NKAIN2: variants seen among roughly 807,000 people sequenced by gnomAD.
The protein encoded by NKAIN2 is sodium/potassium transporting ATPase interacting 2, also known as sodium/potassium-transporting ATPase subunit beta-1-interacting protein 2.
A neutral mutation model predicts 32.6 loss-of-function variants in NKAIN2; 14 were observed. The ratio of observed to expected loss-of-function variants is 0.43; its 90% CI spans 0.28 to 0.67. The LOEUF is 0.67. NKAIN2 is among the 30% of genes least tolerant of loss of function. NKAIN2 has a pLI of 0.17. For missense variants in NKAIN2, 198 were observed against 258.3 expected (o/e 0.77, Z 1.60); for synonymous variants, 80 against 87.2 (o/e 0.92, Z 0.46).
chr6:124,107,980 A>G (rs1298506321), intron 1 of NKAIN2, among the ~76,000 whole-genome samples: 1 of 152,116 alleles, frequency 6.6e-6, no homozygotes, highest in African/African-American at 2.4e-5. Flanking sequence ...TAATGTTGCA[A>G]TGGACATGTG....
chr6:124,078,352 C>A (rs944624240), intron 1 of NKAIN2, among the ~76,000 whole-genome samples: 1 of 151,856 alleles, frequency 6.6e-6, no homozygotes, highest in African/African-American at 2.4e-5. Context: ...ATTTTTAAAT[C>A]AACAAGTGCT....
intron 3 of NKAIN2, among the ~76,000 whole-genome samples, chr6:124,471,508 T>A (rs1017990909): frequency 6.6e-6 from 1 of 152,136 alleles, no homozygotes; most frequent in African/African-American, 2.4e-5. Context: ...TGATTACATA[T>A]ATAACTTGCA....
Position 124,014,162 on chromosome 6 carries a change from A to G in NKAIN2, c.54+209908A>G, listed in dbSNP as rs139660503. Reference sequence around the variant, plus strand: ...CTTTCATTTGCATTGTTTCTTGTCAATGAGTAATAGAAAGCTTTTCAATGA... The same window carrying G: ...CTTTCATTTGCATTGTTTCTTGTCAGTGAGTAATAGAAAGCTTTTCAATGA... On this transcript the variant is annotated intron_variant, in intron 1 of 6. Transcript: ENST00000368417. Among the ~76,000 whole-genome samples, 6 of 152,254 alleles carry G rather than the reference A, an allele frequency of 3.9e-5. No individual in the cohort carries two copies. The East Asian group carries it at 1.2e-3, about 29-fold the overall frequency.
At chr6:123,818,433 A>G (rs530280135) in intron 1 of NKAIN2, among the ~76,000 whole-genome samples, 2 of 151,940 alleles carry the variant, frequency 1.3e-5, no homozygotes, top group Non-Finnish European at 2.9e-5. Flanking sequence ...TCTGTTTGAA[A>G]TAATATTAAG....
At chr6:124,759,648 CACACA>C (rs1562367798) in intron 4 of NKAIN2, among the ~76,000 whole-genome samples, 6 of 97,942 alleles carry the variant, frequency 6.1e-5, no homozygotes, top group African/African-American at 1.9e-4. Flanking sequence ...CACACACACA[CACACA>C]CACCCCCTAT....
At chr6:123,836,906 G>T (rs534866944) in intron 1 of NKAIN2, among the ~76,000 whole-genome samples, 1 of 152,092 alleles carries the variant, frequency 6.6e-6, no homozygotes, top group South Asian at 2.1e-4. Flanking sequence ...ACTCCTCTCC[G>T]ACTTATTTCT....
intron 4 of NKAIN2, among the ~76,000 whole-genome samples, chr6:124,676,576 CTTCT>C (rs1471963854): frequency 1.3e-5 from 2 of 151,892 alleles, no homozygotes; most frequent in Non-Finnish European, 2.9e-5. Flanking sequence ...CTATATAGTC[CTTCT>C]TTGTCTCTTG....
At chr6:123,948,761 T>G (rs1225001070) in intron 1 of NKAIN2, among the ~76,000 whole-genome samples, 2 of 151,958 alleles carry the variant, frequency 1.3e-5, no homozygotes, top group Non-Finnish European at 2.9e-5. Context: ...AGCTTTTTAG[T>G]TTAATATAGT....
intron 1 of NKAIN2, among the ~76,000 whole-genome samples, chr6:124,258,163 G>T (rs1382123609): frequency 6.6e-6 from 1 of 151,828 alleles, no homozygotes; most frequent in South Asian, 2.1e-4. Context: ...AAAAACTGAG[G>T]TATAGACAGA....
At chr6:124,098,762 C>T (rs565760692) in intron 1 of NKAIN2, among the ~76,000 whole-genome samples, 47 of 151,864 alleles carry the variant, frequency 3.1e-4, no homozygotes, top group East Asian at 9.7e-4. Context: ...CCCAGCTACA[C>T]GGGAGGCTGA....
chr6:124,474,803 C>A (rs1219776812), intron 3 of NKAIN2, among the ~76,000 whole-genome samples: 1 of 119,258 alleles, frequency 8.4e-6, no homozygotes, highest in Middle Eastern at 4.5e-3. Flanking sequence ...TATATATACA[C>A]ACATATTAGA....
At chr6:124,407,653 C>T (rs534923426) in intron 3 of NKAIN2, among the ~76,000 whole-genome samples, 9,931 of 151,874 alleles carry the variant, frequency 0.065, 950 homozygotes, top group African/African-American at 0.21. Flanking sequence ...CCGCAATAAA[C>T]ATACGTGTGC....
At chr6:124,568,134 C>T (rs1009571489) in intron 3 of NKAIN2, among the ~76,000 whole-genome samples, 60 of 152,316 alleles carry the variant, frequency 3.9e-4, no homozygotes, top group African/African-American at 1.3e-3. Context: ...CCAAAGCAAG[C>T]CAAGTGGCTG....
At chr6:123,950,025 A>G (rs932107271) in intron 1 of NKAIN2, among the ~76,000 whole-genome samples, 3 of 151,766 alleles carry the variant, frequency 2.0e-5, no homozygotes, top group Non-Finnish European at 4.4e-5. Flanking sequence ...ATTTTATCAA[A>G]TTTTTTTGCA....
At chr6:123,970,247 C>T (rs1164163485) in intron 1 of NKAIN2, among the ~76,000 whole-genome samples, 1 of 152,044 alleles carries the variant, frequency 6.6e-6, no homozygotes, top group Non-Finnish European at 1.5e-5. Context: ...TTTTATTTTG[C>T]AAAGTTTCAC....
intron 3 of NKAIN2, among the ~76,000 whole-genome samples, chr6:124,408,323 G>C (rs1183939075): frequency 6.6e-6 from 1 of 152,146 alleles, no homozygotes; most frequent in Non-Finnish European, 1.5e-5. Flanking sequence ...GGTTTTTATG[G>C]TTTTACATCT....
At chr6:124,255,352 G>T (rs111485068) in intron 1 of NKAIN2, among the ~76,000 whole-genome samples, 120 of 152,274 alleles carry the variant, frequency 7.9e-4, no homozygotes, top group African/African-American at 2.6e-3. Flanking sequence ...TTCATATTCT[G>T]CTAAGAATAA....
chr6:124,137,638 C>T (rs1326743816), intron 1 of NKAIN2, among the ~76,000 whole-genome samples: 3 of 152,042 alleles, frequency 2.0e-5, no homozygotes, highest in Admixed American at 1.3e-4. Flanking sequence ...GCTACCAAAA[C>T]AGCATGTTAC....
chr6:124,486,959 C>T (rs925238531), intron 3 of NKAIN2, among the ~76,000 whole-genome samples: 5 of 152,048 alleles, frequency 3.3e-5, no homozygotes, highest in African/African-American at 9.7e-5. Context: ...GTCTTTGGTA[C>T]GTTAAGTGTA....
Sources: allele counts gnomAD v4.1 joint callset (sites outside exome capture counted in the v4.1 genomes callset), GRCh38; gene constraint gnomAD v4.1.1; transcripts MANE v1.5; gene names NCBI Gene and HGNC (gene_info 2026-07-23, HGNC 2026-07-21).